The following ADRA1B variants were observed in gnomAD, a reference collection of about 807,000 sequenced individuals.
ADRA1B encodes alpha-1B adrenergic receptor.
A neutral mutation model predicts 17.9 loss-of-function variants in ADRA1B; 17 were observed. The ratio of observed to expected loss-of-function variants is 0.95; its 90% confidence interval spans 0.65 to 1.42. ADRA1B has a LOEUF of 1.42. Among genes scored for constraint, ADRA1B ranks in the 40% most tolerant of loss-of-function variants. The probability of loss-of-function intolerance (pLI) is 0.00; values close to 1 mark genes in which losing one functional copy is unlikely to be tolerated. For missense variants in ADRA1B, 681 were observed against 722.1 expected, an observed-to-expected ratio of 0.94 and a Z score of 0.65; for synonymous variants, 366 against 327.6, an observed-to-expected ratio of 1.12 and a Z score of -1.27.
chr5:159,868,517 C>A (rs1159331280), intron 1 of ADRA1B: 8 of 152,238 alleles, frequency 5.3e-5, no homozygotes, highest in Admixed American at 5.2e-4. Context: ...GGTAGTGTTT[C>A]AGTATTGAAG....
intron 1 of ADRA1B, among the ~76,000 whole-genome samples, chr5:159,887,738 G>A (rs1753940881): frequency 6.6e-6 from 1 of 152,140 alleles, no homozygotes; most frequent in South Asian, 2.1e-4. Flanking sequence ...AGTTTTATTA[G>A]TTGCAGCCAA....
intron 1 of ADRA1B, among the ~76,000 whole-genome samples, chr5:159,909,755 A>G (rs1274546943): frequency 6.6e-6 from 1 of 152,228 alleles, no homozygotes; most frequent in Non-Finnish European, 1.5e-5. Flanking sequence ...CTATTGCCCA[A>G]AAGTGAAAGA....
At chr5:159,910,689 A>G (rs1754218549) in intron 1 of ADRA1B, among the ~76,000 whole-genome samples, 2 of 152,158 alleles carry the variant, frequency 1.3e-5, no homozygotes, top group South Asian at 2.1e-4. Flanking sequence ...GTAAAACTTT[A>G]TTTGCAAAAA....
rs112354194 is a variant in ADRA1B at position 159,931,504 on chromosome 5, G to A, written c.949+13650G>A. Among the ~76,000 whole-genome samples, 886 of 151,718 alleles carry A rather than the reference G, an allele frequency of 5.8e-3. 10 individuals are homozygous for A. The highest frequency in any genetic ancestry group is 0.02 in the African/African-American group (834 of 41,362). On this transcript the variant is annotated intron_variant, in intron 1 of 1. Coordinates refer to ENST00000306675, the MANE Select transcript of ADRA1B (RefSeq NM_000679.4). ...CTGTCAAGTTGTTGATTTTTTATTC[G>A]TTTCAAAATGAGAAGAATTTTCTCT... is the stretch of plus-strand genomic sequence containing the variant.
intron 1 of ADRA1B, among the ~76,000 whole-genome samples, chr5:159,899,466 C>G (rs1754078711): frequency 6.6e-6 from 1 of 152,142 alleles, no homozygotes; most frequent in South Asian, 2.1e-4. Context: ...GCCATGTGTA[C>G]TGGAGAAAGA....
intron 1 of ADRA1B, among the ~76,000 whole-genome samples, chr5:159,962,795 C>T (rs1351443695): frequency 1.4e-5 from 2 of 147,616 alleles, no homozygotes; most frequent in Non-Finnish European, 1.5e-5. Flanking sequence ...CTCAGCCTCC[C>T]GAGTAGCTGG....
At chr5:159,950,282 T>C (rs1279873766) in intron 1 of ADRA1B, among the ~76,000 whole-genome samples, 1 of 151,988 alleles carries the variant, frequency 6.6e-6, no homozygotes, top group South Asian at 2.1e-4. Flanking sequence ...GGAGAATTTT[T>C]TCTTTTTTTG....
At chr5:159,875,482 G>T (rs1753791918) in intron 1 of ADRA1B, among the ~76,000 whole-genome samples, 1 of 152,086 alleles carries the variant, frequency 6.6e-6, no homozygotes, top group South Asian at 2.1e-4. Flanking sequence ...CATACCTAGT[G>T]CATGGATACA....
chr5:159,878,356 G>C (rs1753824009), intron 1 of ADRA1B, among the ~76,000 whole-genome samples: 1 of 152,202 alleles, frequency 6.6e-6, no homozygotes, highest in South Asian at 2.1e-4. Flanking sequence ...AAAGCTCCAG[G>C]AACACACTTG....
chr5:159,913,016 T>C (rs750707844), upstream of ADRA1B, among the ~76,000 whole-genome samples: 89 of 152,152 alleles, frequency 5.8e-4, no homozygotes, highest in Non-Finnish European at 9.6e-4. Flanking sequence ...CCATGAAAAA[T>C]TGCATGATCA....
intron 1 of ADRA1B, among the ~76,000 whole-genome samples, chr5:159,957,526 T>A (rs980530867): frequency 1.5e-4 from 22 of 148,028 alleles, no homozygotes; most frequent in Admixed American, 2.7e-4. Flanking sequence ...AAAAAAAAAA[T>A]TATATTTTTC....
Position 159,917,817 on chromosome 5 carries a change from C to T in ADRA1B, c.912C>T (p.Ile304=). ...KTLGIVVGMF[I]LCWLPFFIAL... ...TGGGCATTGTGGTCGGTATGTTCAT[C>T]TTGTGCTGGCTACCCTTCTTCATCG... The change falls in exon 1 of 2, where the codon ATC becomes ATT. Residue 304 remains isoleucine (I), a synonymous_variant. Transcript: ENST00000306675. The T allele has an allele frequency of 6.2e-7, 1 of 1,612,144 alleles. No individual in the cohort carries two copies. The highest frequency in any genetic ancestry group is 8.5e-7 in the Non-Finnish European group (1 of 1,179,434).
At chr5:159,887,490 T>G (rs1336241861) in intron 1 of ADRA1B, among the ~76,000 whole-genome samples, 1 of 152,208 alleles carries the variant, frequency 6.6e-6, no homozygotes, top group East Asian at 1.9e-4. Context: ...CTATCTACCA[T>G]TAAGTGTGGT....
chr5:159,986,491 C>G, the ADRA1B span, among the ~76,000 whole-genome samples: 6 of 152,204 alleles, frequency 3.9e-5, no homozygotes, highest in Non-Finnish European at 8.8e-5. Flanking sequence ...GGTGTGTGCT[C>G]TGAGGCTGGC....
At chr5:159,912,687 C>G (rs972152466), upstream of ADRA1B, among the ~76,000 whole-genome samples, 1 of 152,280 alleles carries the variant, frequency 6.6e-6, no homozygotes, top group Admixed American at 6.5e-5. Flanking sequence ...TACTTACTCA[C>G]TGAATGGCCT....
chr5:159,865,770 C>G (rs1330260651), intron 1 of ADRA1B, among the ~76,000 whole-genome samples: 1 of 152,166 alleles, frequency 6.6e-6, no homozygotes, highest in African/African-American at 2.4e-5. Flanking sequence ...ATTAAACTCT[C>G]TTTGTAAAAT....
chr5:159,982,288 A>C, the ADRA1B span, among the ~76,000 whole-genome samples: 2 of 152,232 alleles, frequency 1.3e-5, no homozygotes, highest in Admixed American at 6.5e-5. Context: ...AGAGCTAATG[A>C]AATGATGGGA....
At chr5:159,948,426 C>T (rs1755334487) in intron 1 of ADRA1B, 1 of 985,222 alleles carries the variant, frequency 1.0e-6, no homozygotes, top group Admixed American at 6.1e-5. Flanking sequence ...AGCCACAAAG[C>T]GTTTTTCAAC....
intron 1 of ADRA1B, among the ~76,000 whole-genome samples, chr5:159,878,399 A>C (rs1004744526): frequency 6.6e-6 from 1 of 152,218 alleles, no homozygotes; most frequent in African/African-American, 2.4e-5. Flanking sequence ...CACTCAGAGT[A>C]GGGCTCCAGT....
Sources: allele counts gnomAD v4.1 joint callset (sites outside exome capture counted in the v4.1 genomes callset), GRCh38; gene constraint gnomAD v4.1.1; transcripts MANE v1.5; gene names NCBI Gene and HGNC (gene_info 2026-07-23, HGNC 2026-07-21).